KLHL8: variants seen among roughly 807,000 people sequenced by gnomAD.
The protein encoded by KLHL8 is kelch like family member 8, also known as kelch-like protein 8.
A neutral mutation model predicts 63.5 loss-of-function variants in KLHL8; 38 were observed. The observed-to-expected ratio is 0.60, with a 90% CI of 0.46 to 0.78. The LOEUF is 0.78. KLHL8 is among the 30% of genes least tolerant of loss of function. The pLI is 0.00. For synonymous variants in KLHL8, 224 were observed against 254.3 expected (o/e 0.88, Z 1.13); for missense variants, 566 against 752.4 (o/e 0.75, Z 2.90).
rs1491297545 is a variant in KLHL8 at position 87,226,966 on chromosome 4, ATT to A, written n.58-5578_58-5577del. On this transcript the variant is annotated intron_variant and non_coding_transcript_variant, in intron 1 of 1. Coordinates refer to the KLHL8 transcript ENST00000506274. ...TATATATTATATATAAGTAATATAT[ATT>A]ATATATAAATAATATATAATATATA... is the stretch of plus-strand genomic sequence containing the variant. Among the ~76,000 whole-genome samples, 147 of 56,876 alleles carry A rather than the reference ATT, an allele frequency of 2.6e-3. 1 individual carries two copies. Among genetic ancestry groups the A allele is most frequent in the Non-Finnish European group, 4.3e-3 (114 of 26,634 alleles). 37.3% of individuals were successfully genotyped at this position (56,876 alleles called of 152,430 possible). A position where few individuals can be genotyped will look rare whatever the true frequency, so the allele number is the denominator to read the frequency against.
At chr4:87,207,899 G>C (rs1732208210) in intron 1 of KLHL8, 2 of 1,463,732 alleles carry the variant, frequency 1.4e-6, no homozygotes, top group African/African-American at 2.8e-5. Flanking sequence ...CCCCTCAAGG[G>C]CATCCTGGGC....
chr4:87,197,238 ATGCCACTCTC>A (rs1731733595), intron 1 of KLHL8, among the ~76,000 whole-genome samples: 2 of 69,184 alleles, frequency 2.9e-5, no homozygotes. Context: ...AAGTGATGAG[ATGCCACTCTC>A]TTGATTATGT....
chr4:87,182,228 CAAAAAA>C (rs34458758), intron 4 of KLHL8, among the ~76,000 whole-genome samples: 1 of 67,736 alleles, frequency 1.5e-5, no homozygotes, highest in Non-Finnish European at 2.8e-5. Flanking sequence ...GACTCCGTCT[CAAAAAA>C]AAAAAAAAAA....
intron 1 of KLHL8, among the ~76,000 whole-genome samples, chr4:87,196,497 G>A (rs775555393): frequency 6.6e-6 from 1 of 151,954 alleles, no homozygotes. Context: ...CTTAGACCTC[G>A]ATCTCTTCTG....
intron 1 of KLHL8, among the ~76,000 whole-genome samples, chr4:87,215,858 A>T (rs781141540): frequency 1.3e-5 from 2 of 152,244 alleles, no homozygotes; most frequent in Non-Finnish European, 2.9e-5. Context: ...CATCTTTTCA[A>T]ACTAGCAGTA....
chr4:87,235,109 T>C (rs1261838785), intron 1 of KLHL8, among the ~76,000 whole-genome samples: 1 of 152,132 alleles, frequency 6.6e-6, no homozygotes, highest in Non-Finnish European at 1.5e-5. Flanking sequence ...ATATATTTTA[T>C]TTATAGTGTA....
At chr4:87,186,976 TAAAA>T (rs144905015) in intron 2 of KLHL8, among the ~76,000 whole-genome samples, 1 of 148,252 alleles carries the variant, frequency 6.7e-6, no homozygotes, top group Non-Finnish European at 1.5e-5. Flanking sequence ...ATAAAAGCAG[TAAAA>T]AAAAAACACT....
chr4:87,161,041 C>CTTTTTT lies in KLHL8; in HGVS notation c.*2472_*2477dup, dbSNP rs71660119. The stretch of plus-strand genomic sequence containing the variant: ...GCACATATTGATTCTGCTTTTTTAT[C>CTTTTTT]TTTTTTTTTTTTTTTTTTTTGAGAT... On this transcript the variant is annotated 3_prime_UTR_variant, in exon 10 of 10. Transcript: ENST00000273963. The CTTTTTT allele has an allele frequency of 1.3e-4, 15 of 115,034 alleles. No homozygotes were observed. The highest frequency in any genetic ancestry group is 2.8e-4 in the South Asian group (1 of 3,554). 7.1% of individuals were successfully genotyped at this position (115,034 alleles called of 1,614,324 possible).
chr4:87,185,166 A>C, intron 3 of KLHL8, 85 bp downstream of exon 3: 1 of 1,258,606 alleles, frequency 7.9e-7, no homozygotes, highest in East Asian at 2.3e-5. Flanking sequence ...CCTTGAAATA[A>C]TCTACACTTT....
intron 1 of KLHL8, among the ~76,000 whole-genome samples, chr4:87,238,339 G>A (rs1447561860): frequency 2.0e-5 from 3 of 152,196 alleles, no homozygotes; most frequent in East Asian, 1.9e-4. Flanking sequence ...TATTTGTTAT[G>A]TATTTTCATA....
chr4:87,228,526 C>A (rs1733073075), intron 1 of KLHL8, among the ~76,000 whole-genome samples: 1 of 152,210 alleles, frequency 6.6e-6, no homozygotes, highest in African/African-American at 2.4e-5. Flanking sequence ...TTTGGAAGTT[C>A]CAGTTGAGAA....
intron 1 of KLHL8, among the ~76,000 whole-genome samples, chr4:87,200,445 T>A (rs983347369): frequency 2.6e-5 from 4 of 152,250 alleles, no homozygotes; most frequent in Non-Finnish European, 4.4e-5. Context: ...TTATATTTTT[T>A]AAATTTGTAT....
At chr4:87,166,118 G>A (rs1730389637) in intron 8 of KLHL8, among the ~76,000 whole-genome samples, 1 of 152,184 alleles carries the variant, frequency 6.6e-6, no homozygotes. Flanking sequence ...TCAAATTCCA[G>A]CTTTGCCACT....
chr4:87,224,480 A>G (rs544176382), upstream of KLHL8, among the ~76,000 whole-genome samples: 2 of 152,278 alleles, frequency 1.3e-5, no homozygotes, highest in South Asian at 4.1e-4. Context: ...TTTGCTAGGG[A>G]GGCAAAGCTT....
At position 87,181,494 on chromosome 4, in the gene KLHL8, T is replaced by G. The variant is rs1731050979; in HGVS notation, c.952+1709A>C. ...CAGATGTTCAATGGCACAGCTAGGA[T>G]TATAATCCCAGAATGCAATGTTAAT... On this transcript the variant is annotated intron_variant, in intron 4 of 9. Coordinates refer to ENST00000273963, the MANE Select transcript of KLHL8 (RefSeq NM_020803.5). Among the ~76,000 whole-genome samples, 3 of 152,122 alleles carry G rather than the reference T, an allele frequency of 2.0e-5. 1 individual carries two copies. In the East Asian group the frequency reaches 5.8e-4, roughly 29 times the overall value.
At chr4:87,184,698 T>A (rs1000080387) in intron 3 of KLHL8, among the ~76,000 whole-genome samples, 2 of 152,118 alleles carry the variant, frequency 1.3e-5, no homozygotes, top group Non-Finnish European at 2.9e-5. Flanking sequence ...GGGCCTATAA[T>A]CTTCTTATCC....
At position 87,176,837 on chromosome 4, in the gene KLHL8, TC is replaced by T; in HGVS notation, c.1127del (p.Gly376GlufsTer5). ...GKVYAVGGHD[G>X]NEHLGSMEMF... ...TCTCCATACTCCCTAAATGTTCATTTCCATCATGTCCACCTACTGCATACAC... is the reference window on the plus strand; with the variant it reads ...TCTCCATACTCCCTAAATGTTCATTTCATCATGTCCACCTACTGCATACAC... On this transcript the variant is annotated frameshift_variant, in exon 6 of 10. Transcript: ENST00000273963. LOFTEE classifies it high-confidence loss of function. The T allele has an allele frequency of 6.2e-7, 1 of 1,606,188 alleles. No individual in the cohort carries two copies. The highest frequency in any genetic ancestry group is 1.1e-5 in the South Asian group (1 of 89,734).
At chr4:87,239,454 C>T (rs765765142) in intron 1 of KLHL8, among the ~76,000 whole-genome samples, 1 of 152,190 alleles carries the variant, frequency 6.6e-6, no homozygotes, top group Non-Finnish European at 1.5e-5. Context: ...TACCTCTCTC[C>T]AAGCTTGGCT....
chr4:87,197,585 G>A (rs1207081154), intron 1 of KLHL8, among the ~76,000 whole-genome samples: 1 of 152,140 alleles, frequency 6.6e-6, no homozygotes, highest in African/African-American at 2.4e-5. Flanking sequence ...CCAAACTCCT[G>A]ATGCACGGAA....
Sources: gnomAD v4.1 joint callset for allele counts (sites outside exome capture counted in the v4.1 genomes callset) on GRCh38, gnomAD v4.1.1 for gene constraint, MANE v1.5 for transcripts, NCBI Gene and HGNC (gene_info 2026-07-23, HGNC 2026-07-21) for gene names.